IMMP2L: variants seen among roughly 807,000 people sequenced by gnomAD.
IMMP2L encodes mitochondrial inner membrane protease subunit 2.
A neutral mutation model predicts 19.3 loss-of-function variants in IMMP2L; 18 were observed. That is an observed-to-expected ratio of 0.93 (90% CI 0.64 to 1.38). IMMP2L has a LOEUF of 1.38. Among genes scored for constraint, IMMP2L ranks in the 40% most tolerant of loss-of-function variants. IMMP2L has a pLI of 0.00. For missense variants in IMMP2L, 233 were observed against 218.2 expected, an observed-to-expected ratio of 1.07 and a Z score of -0.43; for synonymous variants, 76 against 73.0, an observed-to-expected ratio of 1.04 and a Z score of -0.21.
chr7:111,118,009 C>T (rs1300598195), intron 3 of IMMP2L, among the ~76,000 whole-genome samples: 1 of 152,072 alleles, frequency 6.6e-6, no homozygotes, highest in Non-Finnish European at 1.5e-5. Context: ...CACTATACCC[C>T]AGCTGATTTT....
intron 5 of IMMP2L, among the ~76,000 whole-genome samples, chr7:110,750,698 T>G (rs959603033): frequency 3.9e-5 from 6 of 151,980 alleles, no homozygotes; most frequent in Admixed American, 3.9e-4. Flanking sequence ...ACACTGTAGG[T>G]TGCTGAGATT....
At chr7:110,672,811 G>T (rs1278283997) in intron 5 of IMMP2L, among the ~76,000 whole-genome samples, 1 of 152,188 alleles carries the variant, frequency 6.6e-6, no homozygotes, top group African/African-American at 2.4e-5. Flanking sequence ...GAGCTCCAAT[G>T]GCCTTGGGCA....
chr7:110,765,330 G>A (rs550238449), intron 5 of IMMP2L, among the ~76,000 whole-genome samples: 1 of 152,164 alleles, frequency 6.6e-6, no homozygotes, highest in East Asian at 1.9e-4. Context: ...GAAAGTTATA[G>A]ACATATTTAT....
chr7:110,728,311 C>A lies in IMMP2L; in HGVS notation c.409-64590G>T, dbSNP rs1283990142. On this transcript the variant is annotated intron_variant, in intron 5 of 5. Coordinates refer to ENST00000405709, the MANE Select transcript of IMMP2L (RefSeq NM_032549.4). The surrounding 1 kb of genome is among the most constrained non-coding windows in gnomAD (Gnocchi z 4.6). ...CTCAGGAGTTTGAAACCAGCCTGGG[C>A]AACATGGCAAAACCCTGTATCTATA... Among the ~76,000 whole-genome samples the A allele has an allele frequency of 3.9e-5, 6 of 152,078 alleles. No homozygotes were observed. Among genetic ancestry groups the A allele is most frequent in the Non-Finnish European group, 8.8e-5 (6 of 68,000 alleles).
At chr7:111,281,550 C>A (rs888825856) in intron 3 of IMMP2L, among the ~76,000 whole-genome samples, 1 of 152,034 alleles carries the variant, frequency 6.6e-6, no homozygotes, top group Non-Finnish European at 1.5e-5. Flanking sequence ...CACTAAGTAC[C>A]CAACAGAGAC....
At chr7:111,252,301 T>C (rs1246488624) in intron 3 of IMMP2L, among the ~76,000 whole-genome samples, 1 of 152,134 alleles carries the variant, frequency 6.6e-6, no homozygotes, top group Non-Finnish European at 1.5e-5. Context: ...AGCATGCACA[T>C]GCAAGCACCC....
intron 3 of IMMP2L, among the ~76,000 whole-genome samples, chr7:111,030,884 G>GTGTA (rs1397369486): frequency 2.4e-5 from 3 of 127,140 alleles, no homozygotes; most frequent in African/African-American, 6.1e-5. Context: ...GTGTGTGTGT[G>GTGTA]TATATATATA....
At chr7:110,669,850 T>G (rs999922575) in intron 5 of IMMP2L, among the ~76,000 whole-genome samples, 5 of 152,188 alleles carry the variant, frequency 3.3e-5, no homozygotes, top group Admixed American at 6.5e-5. Flanking sequence ...GCTATTTTTA[T>G]TAAGTCAGGA....
chr7:111,438,305 T>C (rs1319998525), intron 3 of IMMP2L, among the ~76,000 whole-genome samples: 1 of 151,828 alleles, frequency 6.6e-6, no homozygotes, highest in Non-Finnish European at 1.5e-5. Context: ...ATGTAATCCA[T>C]TTTTATGTTC....
intron 3 of IMMP2L, among the ~76,000 whole-genome samples, chr7:111,145,806 A>C (rs1168135182): frequency 6.6e-6 from 1 of 152,114 alleles, no homozygotes; most frequent in African/African-American, 2.4e-5. Flanking sequence ...AATGTGTATA[A>C]CTCAGAGCAG....
intron 3 of IMMP2L, among the ~76,000 whole-genome samples, chr7:111,214,328 CTTCTTTTTTTTTTTTTT>C (rs1644728834): frequency 1.2e-5 from 1 of 85,110 alleles, no homozygotes; most frequent in Non-Finnish European, 2.3e-5. Context: ...AGTAATTTTT[CTTCTTTTTTTTTTTTTT>C]TTTTTTTTTT....
At chr7:110,914,945 T>A (rs1451129471) in intron 4 of IMMP2L, among the ~76,000 whole-genome samples, 1 of 151,798 alleles carries the variant, frequency 6.6e-6, no homozygotes, top group African/African-American at 2.4e-5. Flanking sequence ...AGATAACAAG[T>A]GTTGGTGATG....
chr7:111,088,072 T>C (rs539377813), intron 3 of IMMP2L, among the ~76,000 whole-genome samples: 1 of 152,140 alleles, frequency 6.6e-6, no homozygotes, highest in Non-Finnish European at 1.5e-5. Flanking sequence ...ACCCAGACAT[T>C]GTGGCTCTAA....
chr7:110,879,247 C>T, intron 5 of IMMP2L, among the ~76,000 whole-genome samples: 1 of 151,820 alleles, frequency 6.6e-6, no homozygotes. Flanking sequence ...AAAAATTAGC[C>T]TGCTGTGGTG....
At chr7:110,922,777 G>A (rs1814429330) in intron 4 of IMMP2L, among the ~76,000 whole-genome samples, 1 of 152,106 alleles carries the variant, frequency 6.6e-6, no homozygotes, top group Admixed American at 6.6e-5. Context: ...TGAGGCTGAT[G>A]TTGCTTCAAA....
At chr7:111,387,883 G>A (rs561385609) in intron 3 of IMMP2L, among the ~76,000 whole-genome samples, 176 of 150,376 alleles carry the variant, frequency 1.2e-3, no homozygotes, top group African/African-American at 3.4e-3. Flanking sequence ...GGTTGAGGCA[G>A]GGGAATCACC....
At chr7:111,223,830 C>T (rs1171893557) in intron 3 of IMMP2L, among the ~76,000 whole-genome samples, 5 of 152,086 alleles carry the variant, frequency 3.3e-5, no homozygotes, top group Non-Finnish European at 5.9e-5. Flanking sequence ...ATCAGGCCTT[C>T]GCTGAGACCA....
At chr7:111,153,888 AT>A (rs1804343636) in intron 3 of IMMP2L, among the ~76,000 whole-genome samples, 1 of 152,056 alleles carries the variant, frequency 6.6e-6, no homozygotes, top group Admixed American at 6.6e-5. Context: ...TGCACACCCC[AT>A]TGTACCAAAT....
chr7:111,412,334 T>G (rs1159148064), intron 3 of IMMP2L, among the ~76,000 whole-genome samples: 1 of 151,592 alleles, frequency 6.6e-6, no homozygotes, highest in Non-Finnish European at 1.5e-5. Context: ...TACAGAACAC[T>G]CACCCAACAA....
Sources: gnomAD v4.1 joint callset for allele counts (sites outside exome capture counted in the v4.1 genomes callset) on GRCh38, gnomAD v4.1.1 for gene constraint, Gnocchi (gnomAD v3.1) non-coding constraint, MANE v1.5 for transcripts, NCBI Gene and HGNC (gene_info 2026-07-23, HGNC 2026-07-21) for gene names.